Variants in UBE2D2 observed in about 807,000 individuals in gnomAD.
UBE2D2 encodes the protein ubiquitin conjugating enzyme E2 D2.
UBE2D2 carries 2 observed loss-of-function variants against 24.2 expected under a neutral mutation model. The observed-to-expected ratio is 0.08, with a 90% CI of 0.03 to 0.26. The LOEUF is 0.26. Among genes scored for constraint, UBE2D2 ranks in the 10% least tolerant of loss-of-function variants. The pLI is 1.00. For missense variants in UBE2D2, 44 were observed against 177.6 expected, an observed-to-expected ratio of 0.25 and a Z score of 4.28; for synonymous variants, 58 against 56.5, an observed-to-expected ratio of 1.03 and a Z score of -0.12.
intron 1 of UBE2D2, among the ~76,000 whole-genome samples, chr5:139,574,306 A>G (rs1051267490): frequency 2.0e-5 from 3 of 151,206 alleles, no homozygotes; most frequent in African/African-American, 7.3e-5. Context: ...AGTAAAATTT[A>G]GAAGAAAAAT....
chr5:139,600,524 T>C (rs143439139), intron 2 of UBE2D2, 89 bp downstream of exon 2: 3 of 1,371,930 alleles, frequency 2.2e-6, no homozygotes, highest in Non-Finnish European at 3.1e-6. Flanking sequence ...AGAGGCAGTG[T>C]TTAACCCTTA....
intron 1 of UBE2D2, among the ~76,000 whole-genome samples, chr5:139,585,653 T>G (rs148887678): frequency 6.6e-6 from 1 of 152,238 alleles, no homozygotes; most frequent in Non-Finnish European, 1.5e-5. Flanking sequence ...CTACTAAGCA[T>G]TAATCCACTC....
intron 1 of UBE2D2, among the ~76,000 whole-genome samples, chr5:139,536,054 G>T (rs987267431): frequency 6.6e-6 from 1 of 150,448 alleles, no homozygotes; most frequent in Non-Finnish European, 1.5e-5. Context: ...CACCACACCC[G>T]GCTAAGTTTT....
At chr5:139,563,684 G>A (rs1753158019) in intron 1 of UBE2D2, among the ~76,000 whole-genome samples, 1 of 152,170 alleles carries the variant, frequency 6.6e-6, no homozygotes, top group Admixed American at 6.6e-5. Flanking sequence ...TGTAATCCCA[G>A]CACTTTGGGA....
rs975525690 is a variant in UBE2D2 at position 139,561,514 on chromosome 5, C to T, written c.-278C>T. The T allele has an allele frequency of 5.9e-5, 24 of 407,072 alleles. No individual in the cohort carries two copies. Among genetic ancestry groups the T allele is most frequent in the African/African-American group, 3.7e-4 (18 of 48,140 alleles). 25.2% of individuals were successfully genotyped at this position (407,072 alleles called of 1,614,324 possible). On this transcript the variant is annotated 5_prime_UTR_variant, in exon 1 of 7. Transcript: ENST00000398733. ...CGGCGGTTTAGGAGGCGGCGCTGAT[C>T]CTGGGAGGAAGAGGCAGCTACGGCG...
At chr5:139,603,898 G>A (rs953353341) in intron 2 of UBE2D2, among the ~76,000 whole-genome samples, 2 of 151,894 alleles carry the variant, frequency 1.3e-5, no homozygotes, top group South Asian at 2.1e-4. Flanking sequence ...GCAGTGAGCC[G>A]AGATCACGCC....
Position 139,561,743 on chromosome 5 carries a change from T to TA in UBE2D2, c.-49_-48insA. The TA allele has an allele frequency of 2.1e-4, 286 of 1,349,034 alleles. No individual in the cohort carries two copies. The highest frequency in any genetic ancestry group is 2.4e-4 in the Non-Finnish European group (247 of 1,012,662). The allele number at this position is 1,349,034 out of a possible 1,614,324, so 83.6% of individuals were successfully genotyped here. On this transcript the variant is annotated 5_prime_UTR_variant, in exon 1 of 7. Transcript: ENST00000398733. The stretch of plus-strand genomic sequence containing the variant: ...GCTCCCTAGCCCCTTCCCCGTCCCT[T>TA]CCCCGCCCCCGTCCCCGCCCCGGGG...
intron 1 of UBE2D2, among the ~76,000 whole-genome samples, chr5:139,587,325 G>T (rs925389498): frequency 6.6e-6 from 1 of 152,164 alleles, no homozygotes; most frequent in African/African-American, 2.4e-5. Flanking sequence ...GAAGTCAGCA[G>T]CGGCTCTGCG....
At chr5:139,535,097 A>G (rs1752650442) in intron 1 of UBE2D2, among the ~76,000 whole-genome samples, 1 of 151,272 alleles carries the variant, frequency 6.6e-6, no homozygotes, top group African/African-American at 2.4e-5. Context: ...CCAAGATCTC[A>G]TGCCACGGCG....
chr5:139,546,705 C>T (rs1468406860), intron 1 of UBE2D2, among the ~76,000 whole-genome samples: 1 of 151,148 alleles, frequency 6.6e-6, no homozygotes, highest in Non-Finnish European at 1.5e-5. Flanking sequence ...AGACTGGTCT[C>T]GAAATCTTGA....
intron 1 of UBE2D2, among the ~76,000 whole-genome samples, chr5:139,540,383 T>G (rs1414619801): frequency 6.6e-6 from 1 of 151,990 alleles, no homozygotes; most frequent in Non-Finnish European, 1.5e-5. Flanking sequence ...AACCCATCTT[T>G]GTTTAAAAAA....
At chr5:139,587,914 C>G (rs1384190789) in intron 1 of UBE2D2, among the ~76,000 whole-genome samples, 2 of 152,062 alleles carry the variant, frequency 1.3e-5, no homozygotes, top group African/African-American at 2.4e-5. Flanking sequence ...AGTGAGCTCT[C>G]TGATTGGTCG....
intron 2 of UBE2D2, among the ~76,000 whole-genome samples, chr5:139,602,643 A>C (rs1581522702): frequency 6.6e-6 from 1 of 152,058 alleles, no homozygotes; most frequent in Admixed American, 6.6e-5. Flanking sequence ...GCACAACTGC[A>C]CTCCAGCCTG....
intron 1 of UBE2D2, among the ~76,000 whole-genome samples, chr5:139,530,314 G>A (rs1752585821): frequency 6.6e-6 from 1 of 152,132 alleles, no homozygotes; most frequent in South Asian, 2.1e-4. Flanking sequence ...TGTATAATTG[G>A]CACCATTAAG....
intron 1 of UBE2D2, among the ~76,000 whole-genome samples, chr5:139,577,633 C>T (rs1753508821): frequency 6.6e-6 from 1 of 152,142 alleles, no homozygotes; most frequent in South Asian, 2.1e-4. Flanking sequence ...AGGCTGGTCT[C>T]GAACTCCTGA....
At chr5:139,533,973 C>T (rs1016245359) in intron 1 of UBE2D2, among the ~76,000 whole-genome samples, 3 of 151,298 alleles carry the variant, frequency 2.0e-5, no homozygotes, top group Non-Finnish European at 4.4e-5. Flanking sequence ...AGTAGAGACA[C>T]GGTTTCACCA....
chr5:139,596,492 C>T (rs1252542905), intron 1 of UBE2D2, among the ~76,000 whole-genome samples: 1 of 150,898 alleles, frequency 6.6e-6, no homozygotes, highest in Non-Finnish European at 1.5e-5. Flanking sequence ...TGGGGTTTCA[C>T]CATGTTGGTC....
At chr5:139,538,387 T>C (rs1752714196) in intron 1 of UBE2D2, among the ~76,000 whole-genome samples, 2 of 152,124 alleles carry the variant, frequency 1.3e-5, no homozygotes, top group Admixed American at 1.3e-4. Flanking sequence ...CAAGTGTCCA[T>C]CAGCAGATGA....
chr5:139,558,344 G>C (rs1428899463), upstream of UBE2D2, among the ~76,000 whole-genome samples: 1 of 152,182 alleles, frequency 6.6e-6, no homozygotes. Flanking sequence ...CTGGAGTGCA[G>C]TGGCGCGATC....
Sources: allele counts gnomAD v4.1 joint callset (sites outside exome capture counted in the v4.1 genomes callset), GRCh38; gene constraint gnomAD v4.1.1; transcripts MANE v1.5; gene names NCBI Gene and HGNC (gene_info 2026-07-23, HGNC 2026-07-21).